AMDHD1: variants seen among roughly 807,000 people sequenced by gnomAD.
The protein encoded by AMDHD1 is probable imidazolonepropionase.
A neutral mutation model predicts 44.1 loss-of-function variants in AMDHD1; 45 were observed. The ratio of observed to expected loss-of-function variants is 1.02; its 90% CI spans 0.80 to 1.31. The LOEUF is 1.31. Among genes scored for constraint, AMDHD1 ranks in the 50% most tolerant of loss-of-function variants. AMDHD1 has a pLI of 0.00. For synonymous variants in AMDHD1, 206 were observed against 205.0 expected (o/e 1.00, Z -0.04); for missense variants, 586 against 552.1 (o/e 1.06, Z -0.61).
intron 4 of AMDHD1, among the ~76,000 whole-genome samples, chr12:95,958,046 C>CT (rs1377517121): frequency 6.6e-6 from 1 of 151,642 alleles, no homozygotes; most frequent in Non-Finnish European, 1.5e-5. Context: ...GAGCAAAACT[C>CT]TATCTCAAAA....
intron 2 of AMDHD1, among the ~76,000 whole-genome samples, chr12:95,954,318 C>T (rs543674361): frequency 1.9e-4 from 29 of 152,076 alleles, no homozygotes; most frequent in African/African-American, 7.0e-4. Flanking sequence ...GCTTGTAATC[C>T]CAGCACTTTG....
chr12:95,958,826 C>T (rs903086052), intron 4 of AMDHD1, among the ~76,000 whole-genome samples: 68 of 152,076 alleles, frequency 4.5e-4, no homozygotes, highest in African/African-American at 2.2e-4. Flanking sequence ...GGGGCCGAGG[C>T]GGGTGGATCA....
At chr12:95,961,648 G>T (rs760333492) in intron 5 of AMDHD1, among the ~76,000 whole-genome samples, 1 of 152,200 alleles carries the variant, frequency 6.6e-6, no homozygotes, top group African/African-American at 2.4e-5. Context: ...GCCATCACCT[G>T]TCTGTCGCTT....
At chr12:95,949,551 A>G (rs1247124052) in intron 1 of AMDHD1, among the ~76,000 whole-genome samples, 1 of 152,204 alleles carries the variant, frequency 6.6e-6, no homozygotes, top group East Asian at 1.9e-4. Flanking sequence ...CATTGTAGGA[A>G]AAGAAAATAC....
chr12:95,967,405 G>A (rs545315839), intron 8 of AMDHD1, among the ~76,000 whole-genome samples: 7 of 152,210 alleles, frequency 4.6e-5, no homozygotes, highest in South Asian at 2.1e-4. Flanking sequence ...TGACTCTTAC[G>A]AGCCCATTGC....
At position 95,967,746 on chromosome 12, in the gene AMDHD1, T is replaced by C. The variant is rs754021684; in HGVS notation, c.1194-10T>C. On this transcript the variant is annotated splice_polypyrimidine_tract_variant and intron_variant, in intron 8 of 8. Coordinates refer to ENST00000266736, the MANE Select transcript of AMDHD1 (RefSeq NM_152435.3). The stretch of plus-strand genomic sequence containing the variant: ...GAAGTAATATTTGTTGTTTTTTTTT[T>C]TTTTTCTAGATGGGAGCATTTGATT... The C allele has an allele frequency of 9.0e-6, 14 of 1,551,832 alleles. No homozygotes were observed. Among genetic ancestry groups the C allele is most frequent in the Middle Eastern group, 1.7e-4 (1 of 5,832 alleles).
chr12:95,947,764 G>A (rs1261661847), intron 1 of AMDHD1, among the ~76,000 whole-genome samples: 3 of 88,084 alleles, frequency 3.4e-5, no homozygotes, highest in South Asian at 4.3e-4. Flanking sequence ...GAGGGAGGTG[G>A]GGGGGTCAGC....
chr12:95,962,223 A>G, intron 5 of AMDHD1, 132 bp from the exon 6 acceptor site: 3 of 1,285,246 alleles, frequency 2.3e-6, no homozygotes, highest in Non-Finnish European at 3.1e-6. Flanking sequence ...CTGAGATTGC[A>G]CTACTGCACC....
chr12:95,947,622 T>TG (rs1234113991), intron 1 of AMDHD1, among the ~76,000 whole-genome samples: 1 of 40,774 alleles, frequency 2.5e-5, no homozygotes, highest in Non-Finnish European at 4.1e-5. Context: ...AGGAGGGAGG[T>TG]GGGGGGGTCA....
rs1297923694 is a variant in AMDHD1 at position 95,962,401 on chromosome 12, T to A, written c.860T>A (p.Val287Glu). ...GAQAISHLEE[V>E]SDEGIVAMAT... is the part of the protein sequence containing the mutation. ...CAGGCAATCAGCCACCTGGAAGAAG[T>A]GAGTGATGAAGGCATCGTTGCCATG... Residue 287 changes from valine to glutamate, a missense_variant, in exon 6 of 9, where the codon GTG (valine) becomes GAG (glutamate). By Grantham distance (121) the Val-to-Glu change is moderately radical. Transcript: ENST00000266736. 6.2e-7 allele frequency: 1 copy of A among 1,613,770 alleles called. No individual in the cohort carries two copies. The highest frequency in any genetic ancestry group is 1.7e-5 in the Admixed American group (1 of 59,976).
intron 8 of AMDHD1, among the ~76,000 whole-genome samples, chr12:95,967,537 A>C (rs189266119): frequency 6.6e-6 from 1 of 152,332 alleles, no homozygotes; most frequent in East Asian, 1.9e-4. Context: ...AATGAAGCAA[A>C]TATTTTAAGA....
chr12:95,956,929 C>A lies in AMDHD1; in HGVS notation c.554C>A (p.Ser185Ter). The change falls in exon 4 of 9, where the codon TCG becomes TAG. Residue 185 changes from serine (S) to a stop codon, truncating the protein, a stop_gained. Coordinates refer to ENST00000266736, the MANE Select transcript of AMDHD1 (RefSeq NM_152435.3). LOFTEE classifies it high-confidence loss of function. ...CGGCGGGAGCTGGACATCGGCATCT[C>A]GGCTACCTACTGCGGGGCTCATTCA... The part of the protein sequence containing the change: ...RARRELDIGI[S>*]ATYCGAHSVP... 6.2e-7 allele frequency: 1 copy of A among 1,612,620 alleles called. No homozygotes were observed. The highest frequency in any genetic ancestry group is 8.5e-7 in the Non-Finnish European group (1 of 1,179,916).
At chr12:95,944,489 C>T (rs183440394) in intron 1 of AMDHD1, among the ~76,000 whole-genome samples, 1 of 151,972 alleles carries the variant, frequency 6.6e-6, no homozygotes, top group Non-Finnish European at 1.5e-5. Flanking sequence ...CTCCCAGGCT[C>T]AACTGCGATC....
chr12:95,956,588 C>T (rs1592823651), intron 3 of AMDHD1, 97 bp from the exon 4 acceptor site: 10 of 1,519,776 alleles, frequency 6.6e-6, no homozygotes, highest in Non-Finnish European at 8.9e-7. Context: ...CATATGGCTT[C>T]TTAATCATTA....
chr12:95,955,465 GA>G (rs1408989620), intron 3 of AMDHD1, among the ~76,000 whole-genome samples: 4 of 146,810 alleles, frequency 2.7e-5, no homozygotes, highest in Non-Finnish European at 4.5e-5. Context: ...TTTTAAAAAA[GA>G]AAAAAAAAGA....
intron 6 of AMDHD1, among the ~76,000 whole-genome samples, chr12:95,964,798 G>A (rs1208601745): frequency 3.3e-5 from 5 of 151,854 alleles, no homozygotes; most frequent in Non-Finnish European, 7.4e-5. Flanking sequence ...TTTGAGATAT[G>A]TCTTAAAGAA....
intron 1 of AMDHD1, among the ~76,000 whole-genome samples, chr12:95,949,233 T>A (rs913563501): frequency 6.6e-6 from 1 of 150,996 alleles, no homozygotes; most frequent in African/African-American, 2.4e-5. Flanking sequence ...AGGTGTCAGA[T>A]TTATCTACTA....
intron 1 of AMDHD1, among the ~76,000 whole-genome samples, chr12:95,947,720 T>G (rs1592820507): frequency 4.4e-5 from 2 of 45,176 alleles, no homozygotes; most frequent in Non-Finnish European, 7.6e-5. Context: ...GATGGGGGGG[T>G]CAGCCCCCCC....
rs200160229 is a variant in AMDHD1 at position 95,967,792 on chromosome 12, T to A, written c.1230T>A (p.His410Gln). Residue 410 changes from histidine to glutamine, a missense_variant, in exon 9 of 9, where the codon CAT (histidine) becomes CAA (glutamine). By Grantham distance (24) the His-to-Gln change is conservative. Transcript: ENST00000266736. The part of the protein sequence containing the change: ...EHLIYQFGGH[H>Q]ELIEYVIAKG... Reference sequence around the variant, plus strand: ...TGATTTACCAGTTCGGAGGCCATCATGAATTAATTGAATATGTTATAGCTA... The same window carrying A: ...TGATTTACCAGTTCGGAGGCCATCAAGAATTAATTGAATATGTTATAGCTA... 2.5e-6 allele frequency: 4 copies of A among 1,593,704 alleles called. No homozygotes were observed. The East Asian group carries it at 9.1e-5, about 36-fold the overall frequency.
Sources: allele counts gnomAD v4.1 joint callset (sites outside exome capture counted in the v4.1 genomes callset), GRCh38; gene constraint gnomAD v4.1.1; transcripts MANE v1.5; gene names NCBI Gene and HGNC (gene_info 2026-07-23, HGNC 2026-07-21).